GPC5: variants seen among roughly 807,000 people sequenced by gnomAD.
GPC5 encodes the protein glypican 5.
A neutral mutation model predicts 53.9 loss-of-function variants in GPC5; 47 were observed. The observed-to-expected ratio is 0.87, with a 90% CI of 0.69 to 1.11. The LOEUF is 1.11. Among genes scored for constraint, GPC5 ranks in the 50% most tolerant of loss-of-function variants. The probability of loss-of-function intolerance (pLI) is 0.00; values close to 1 mark genes in which losing one functional copy is unlikely to be tolerated. For missense variants in GPC5, 748 were observed against 713.1 expected (o/e 1.05, Z -0.56); for synonymous variants, 286 against 263.3 (o/e 1.09, Z -0.84).
chr13:91,966,307 A>G (rs747581235), intron 6 of GPC5, among the ~76,000 whole-genome samples: 4 of 152,196 alleles, frequency 2.6e-5, no homozygotes, highest in Non-Finnish European at 5.9e-5. Flanking sequence ...TTATACAATC[A>G]AAAGTGTATA....
chr13:91,756,085 A>G (rs903090829), intron 4 of GPC5, among the ~76,000 whole-genome samples: 1 of 151,672 alleles, frequency 6.6e-6, no homozygotes, highest in Non-Finnish European at 1.5e-5. Context: ...GAAAAAAAAA[A>G]AAAAGTAATG....
chr13:92,425,242 A>C (rs1876779873), intron 7 of GPC5, among the ~76,000 whole-genome samples: 1 of 152,068 alleles, frequency 6.6e-6, no homozygotes. Context: ...ATTTTGGTAA[A>C]TTGTGATAGG....
intron 7 of GPC5, among the ~76,000 whole-genome samples, chr13:92,717,607 A>AAGTC (rs1475219065): frequency 3.9e-5 from 6 of 152,304 alleles, no homozygotes; most frequent in African/African-American, 1.2e-4. Flanking sequence ...TTTTCTTCAG[A>AAGTC]AGTCATCAGC....
At chr13:92,578,616 G>C (rs1253909939) in intron 7 of GPC5, among the ~76,000 whole-genome samples, 1 of 152,140 alleles carries the variant, frequency 6.6e-6, no homozygotes, top group Non-Finnish European at 1.5e-5. Flanking sequence ...CCAGAAGAGA[G>C]AGCAAACTCA....
At chr13:92,792,662 A>C (rs770581636) in intron 7 of GPC5, among the ~76,000 whole-genome samples, 2 of 152,256 alleles carry the variant, frequency 1.3e-5, no homozygotes, top group Non-Finnish European at 2.9e-5. Flanking sequence ...GCAGACACAC[A>C]TAGACTCAAA....
chr13:92,218,105 T>A (rs560937713), intron 7 of GPC5, among the ~76,000 whole-genome samples: 31 of 151,774 alleles, frequency 2.0e-4, no homozygotes, highest in African/African-American at 7.0e-4. Flanking sequence ...TAAAAAAAAA[T>A]TTAGTAGAGA....
chr13:92,684,975 T>G (rs1162775340), intron 7 of GPC5, among the ~76,000 whole-genome samples: 3 of 152,238 alleles, frequency 2.0e-5, no homozygotes, highest in Non-Finnish European at 2.9e-5. Context: ...GTTTGCAATT[T>G]TCTAATGACA....
chr13:92,725,798 T>C (rs1474897496), intron 7 of GPC5, among the ~76,000 whole-genome samples: 1 of 151,554 alleles, frequency 6.6e-6, no homozygotes, highest in Non-Finnish European at 1.5e-5. Flanking sequence ...TAGATCTAAA[T>C]TGGATGAAAT....
chr13:91,712,255 C>G (rs1386448366), intron 3 of GPC5, among the ~76,000 whole-genome samples: 1 of 151,446 alleles, frequency 6.6e-6, no homozygotes, highest in East Asian at 1.9e-4. Context: ...GATGGATTCT[C>G]TAGTTAAGAG....
At chr13:92,320,931 T>C (rs1312417858) in intron 7 of GPC5, among the ~76,000 whole-genome samples, 1 of 152,172 alleles carries the variant, frequency 6.6e-6, no homozygotes, top group African/African-American at 2.4e-5. Flanking sequence ...TCTTTGACCC[T>C]TGGCAATAAA....
intron 7 of GPC5, among the ~76,000 whole-genome samples, chr13:92,783,586 A>G (rs536668655): frequency 1.3e-5 from 2 of 152,308 alleles, no homozygotes; most frequent in Non-Finnish European, 1.5e-5. Flanking sequence ...TGTTAGTTGG[A>G]TGGATCTTAC....
At chr13:91,421,441 G>T (rs138896661) in intron 1 of GPC5, among the ~76,000 whole-genome samples, 17 of 152,264 alleles carry the variant, frequency 1.1e-4, no homozygotes, top group Admixed American at 7.8e-4. Flanking sequence ...ACTTACCAAT[G>T]TGGAACTCAG....
chr13:92,088,746 GT>G (rs1482495208), intron 6 of GPC5, among the ~76,000 whole-genome samples: 5 of 152,084 alleles, frequency 3.3e-5, no homozygotes, highest in Admixed American at 6.6e-5. Flanking sequence ...GATATTAGAG[GT>G]TTTATAATTT....
intron 5 of GPC5, among the ~76,000 whole-genome samples, chr13:91,839,804 T>C (rs951681902): frequency 1.3e-5 from 2 of 151,940 alleles, no homozygotes; most frequent in Non-Finnish European, 1.5e-5. Context: ...TGACTAATAA[T>C]TTTTTTTCAA....
At chr13:91,666,438 C>T (rs1258239348) in intron 2 of GPC5, among the ~76,000 whole-genome samples, 1 of 152,052 alleles carries the variant, frequency 6.6e-6, no homozygotes, top group Non-Finnish European at 1.5e-5. Flanking sequence ...TCATATAGTA[C>T]TTCAGTATCT....
At chr13:92,566,578 A>T (rs1882871181) in intron 7 of GPC5, among the ~76,000 whole-genome samples, 1 of 152,124 alleles carries the variant, frequency 6.6e-6, no homozygotes. Context: ...CCATTAGCAA[A>T]TAAATGCAGT....
chr13:91,625,949 ATATT>A (rs567440658), intron 2 of GPC5, among the ~76,000 whole-genome samples: 40 of 152,166 alleles, frequency 2.6e-4, no homozygotes, highest in African/African-American at 8.9e-4. Flanking sequence ...TTTTAAGCAG[ATATT>A]TAGTCTTTCA....
intron 2 of GPC5, among the ~76,000 whole-genome samples, chr13:91,665,679 T>A (rs2035095242): frequency 6.6e-6 from 1 of 151,632 alleles, no homozygotes; most frequent in African/African-American, 2.4e-5. Flanking sequence ...ATTTTTTGTA[T>A]TTTTTTTAGT....
At chr13:91,530,671 C>T (rs1594214031) in intron 2 of GPC5, among the ~76,000 whole-genome samples, 2 of 152,242 alleles carry the variant, frequency 1.3e-5, no homozygotes, top group East Asian at 3.9e-4. Context: ...GAAATCGTTA[C>T]ATTTAATTTA....
Sources: allele counts gnomAD v4.1 joint callset (sites outside exome capture counted in the v4.1 genomes callset), GRCh38; gene constraint gnomAD v4.1.1; transcripts MANE v1.5; gene names NCBI Gene and HGNC (gene_info 2026-07-23, HGNC 2026-07-21).